Variants in TRAPPC9 observed in about 807,000 individuals in gnomAD.
TRAPPC9 encodes the protein trafficking protein particle complex subunit 9.
Under a neutral mutation model 124.0 loss-of-function variants are expected in TRAPPC9, and 83 were observed. The observed-to-expected ratio is 0.67, with a 90% CI of 0.56 to 0.80. TRAPPC9 has a LOEUF of 0.80. Among genes scored for constraint, TRAPPC9 ranks in the 30% least tolerant of loss-of-function variants. The pLI, the probability that TRAPPC9 is intolerant of heterozygous loss-of-function variation, is 0.00. For missense variants in TRAPPC9, 1,302 were observed against 1,508.3 expected, an observed-to-expected ratio of 0.86 and a Z score of 2.27; for synonymous variants, 638 against 617.5, an observed-to-expected ratio of 1.03 and a Z score of -0.49.
At position 140,069,431 on chromosome 8, in the gene TRAPPC9, G is replaced by A. The variant is rs539963270; in HGVS notation, c.2557-45352C>T. On this transcript the variant is annotated intron_variant, in intron 17 of 22. Coordinates refer to ENST00000438773, the MANE Select transcript of TRAPPC9 (RefSeq NM_001160372.4). ...GCATGGGTAAGGCACCAAGACGTAAGTGCTCAGCACAGAGGTCTGAAAAGG... is the reference window on the plus strand; with the variant it reads ...GCATGGGTAAGGCACCAAGACGTAAATGCTCAGCACAGAGGTCTGAAAAGG... Among the ~76,000 whole-genome samples the A allele has an allele frequency of 2.6e-5, 4 of 152,304 alleles. No individual in the cohort carries two copies. In the South Asian group the frequency reaches 8.3e-4, roughly 32 times the overall value.
chr8:139,892,577 A>G (rs947650934), intron 20 of TRAPPC9, among the ~76,000 whole-genome samples: 5 of 152,178 alleles, frequency 3.3e-5, no homozygotes, highest in Non-Finnish European at 7.4e-5. Flanking sequence ...CACGGGTAAC[A>G]CGCACCACAG....
intron 14 of TRAPPC9, among the ~76,000 whole-genome samples, chr8:140,276,643 AAGG>A (rs1490969764): frequency 6.6e-6 from 1 of 152,112 alleles, no homozygotes; most frequent in African/African-American, 2.4e-5. Context: ...GTGGGTTGGG[AAGG>A]AGGTCACTGG....
At chr8:140,359,768 C>T (rs1168645722) in intron 9 of TRAPPC9, among the ~76,000 whole-genome samples, 1 of 152,094 alleles carries the variant, frequency 6.6e-6, no homozygotes, top group African/African-American at 2.4e-5. Context: ...ACACAGGAGG[C>T]TGAAAAGAAG....
At chr8:139,965,893 A>G (rs1835675519) in intron 19 of TRAPPC9, among the ~76,000 whole-genome samples, 1 of 136,584 alleles carries the variant, frequency 7.3e-6, no homozygotes, top group Non-Finnish European at 1.7e-5. Flanking sequence ...CAGTGAGGGA[A>G]GCACAGCAGA....
At chr8:140,177,211 C>G (rs2062089717) in intron 17 of TRAPPC9, among the ~76,000 whole-genome samples, 1 of 152,114 alleles carries the variant, frequency 6.6e-6, no homozygotes, top group African/African-American at 2.4e-5. Context: ...AAATCTCTAC[C>G]CATCTCAAGA....
intron 19 of TRAPPC9, among the ~76,000 whole-genome samples, chr8:139,978,650 G>GTT (rs1836656330): frequency 6.6e-6 from 1 of 152,206 alleles, no homozygotes; most frequent in Non-Finnish European, 1.5e-5. Context: ...TGCCTTCTGT[G>GTT]TATGTGTGTG....
chr8:139,736,474 C>T (rs1490142312), intron 21 of TRAPPC9, among the ~76,000 whole-genome samples: 1 of 152,212 alleles, frequency 6.6e-6, no homozygotes, highest in Non-Finnish European at 1.5e-5. Flanking sequence ...AGCTCAGATC[C>T]AGGCATACAG....
chr8:140,169,361 C>T (rs1487817171), intron 17 of TRAPPC9, among the ~76,000 whole-genome samples: 1 of 152,108 alleles, frequency 6.6e-6, no homozygotes, highest in Non-Finnish European at 1.5e-5. Context: ...GCTTCAGCTG[C>T]TGTCGAATAC....
At chr8:140,453,815 C>G (rs2071553644) in intron 1 of TRAPPC9, among the ~76,000 whole-genome samples, 1 of 152,186 alleles carries the variant, frequency 6.6e-6, no homozygotes, top group South Asian at 2.1e-4. Flanking sequence ...ACATCACCTT[C>G]CAACAAAGAG....
chr8:140,222,680 T>G lies in TRAPPC9; in HGVS notation c.2432-1097A>C, dbSNP rs576454839. ...AGACCTGGCGGAATGAATGAGATAT[T>G]TGACTGCAGTTTTATATATTCTCAA... On this transcript the variant is annotated intron_variant, in intron 16 of 22. Transcript: ENST00000438773. Among the ~76,000 whole-genome samples the G allele has an allele frequency of 4.6e-5, 7 of 152,330 alleles. No individual in the cohort carries two copies. The South Asian group carries it at 8.3e-4, about 18-fold the overall frequency.
chr8:139,765,741 G>T (rs1033811914), intron 21 of TRAPPC9, among the ~76,000 whole-genome samples: 1 of 152,172 alleles, frequency 6.6e-6, no homozygotes, highest in Non-Finnish European at 1.5e-5. Context: ...ACAACCATAG[G>T]AGTGGACACA....
intron 21 of TRAPPC9, among the ~76,000 whole-genome samples, chr8:139,879,183 C>T (rs887528584): frequency 6.6e-5 from 10 of 152,110 alleles, no homozygotes; most frequent in Non-Finnish European, 1.5e-5. Context: ...TTGGAGGGGA[C>T]TCTGGAAGAA....
chr8:139,836,913 G>A (rs964429628), intron 21 of TRAPPC9, among the ~76,000 whole-genome samples: 2 of 152,066 alleles, frequency 1.3e-5, no homozygotes, highest in Non-Finnish European at 2.9e-5. Context: ...TGATGTGAAC[G>A]GCTCCTTCTG....
intron 21 of TRAPPC9, among the ~76,000 whole-genome samples, chr8:139,812,152 G>A (rs1410784168): frequency 6.6e-6 from 1 of 152,114 alleles, no homozygotes; most frequent in Non-Finnish European, 1.5e-5. Context: ...TGGTTCTGAT[G>A]GAAAGTTCAA....
At chr8:140,420,441 G>C (rs954354520) in intron 5 of TRAPPC9, among the ~76,000 whole-genome samples, 2 of 152,120 alleles carry the variant, frequency 1.3e-5, no homozygotes, top group African/African-American at 4.8e-5. Flanking sequence ...AACAAATTCA[G>C]AAGACTTACA....
intron 5 of TRAPPC9, among the ~76,000 whole-genome samples, chr8:140,421,839 C>T (rs1166377639): frequency 6.6e-6 from 1 of 152,008 alleles, no homozygotes; most frequent in African/African-American, 2.4e-5. Flanking sequence ...CCTTAAATGA[C>T]TTTGTTAGCT....
In TRAPPC9 at chr8:140,023,991, A is replaced by C. The variant is rs1839970324; in HGVS notation, c.2645T>G (p.Val882Gly). Residue 882 changes from valine (V) to glycine (G), a missense_variant, in exon 18 of 23, where the codon GTA (valine) becomes GGA (glycine). Val to Gly is a moderately radical substitution (Grantham distance 109). This residue lies in a region of TRAPPC9 where 640 missense variants were observed against 679.3 expected (regional missense o/e 0.94). Coordinates refer to ENST00000438773, the MANE Select transcript of TRAPPC9 (RefSeq NM_001160372.4). ...YYRNLSLGLH[V>G]EVEPSVFFTR... The stretch of plus-strand genomic sequence containing the variant: ...GAAAAATACAGACGGCTCGACTTCT[A>C]CATGCAGCCCCAGGGAGAGATTCCT... 3 of 1,614,070 alleles carry C rather than the reference A, an allele frequency of 1.9e-6. No homozygotes were observed. Among genetic ancestry groups the C allele is most frequent in the African/African-American group, 1.3e-5 (1 of 74,934 alleles).
At chr8:140,326,112 C>T (rs567427895) in intron 9 of TRAPPC9, among the ~76,000 whole-genome samples, 6 of 151,890 alleles carry the variant, frequency 4.0e-5, no homozygotes, top group South Asian at 4.2e-4. Context: ...ACTGGCCAGG[C>T]GCAGTGGCTC....
In TRAPPC9 at chr8:140,287,870, T is replaced by A. The variant is rs1405717970; in HGVS notation, c.1855-136A>T. On this transcript the variant is annotated intron_variant, in intron 12 of 22. Coordinates refer to ENST00000438773, the MANE Select transcript of TRAPPC9 (RefSeq NM_001160372.4). ...ATCACCAACAGTCTTCACAGAGAACTTCGGAGACAGTGTACAGTGTAACAC... is the reference window on the plus strand; with the variant it reads ...ATCACCAACAGTCTTCACAGAGAACATCGGAGACAGTGTACAGTGTAACAC... 9 of 1,280,384 alleles carry A rather than the reference T, an allele frequency of 7.0e-6. No individual in the cohort carries two copies. The East Asian group carries it at 2.2e-4, about 31-fold the overall frequency. 79.3% of individuals were successfully genotyped at this position (1,280,384 alleles called of 1,614,324 possible).
Sources: allele counts gnomAD v4.1 joint callset (sites outside exome capture counted in the v4.1 genomes callset), GRCh38; gene constraint gnomAD v4.1.1; regional missense constraint gnomAD v4.1.1; transcripts MANE v1.5; gene names NCBI Gene and HGNC (gene_info 2026-07-23, HGNC 2026-07-21).